PLCB1: variants seen among roughly 807,000 people sequenced by gnomAD.
The protein encoded by PLCB1 is phospholipase C beta 1.
A neutral mutation model predicts 161.8 loss-of-function variants in PLCB1; 46 were observed. The ratio of observed to expected loss-of-function variants is 0.28; its 90% CI spans 0.22 to 0.36. The LOEUF (loss-of-function observed/expected upper bound fraction) is 0.36, where lower values mean the gene tolerates loss of function less well. PLCB1 is among the 10% of genes least tolerant of loss of function. The probability of loss-of-function intolerance (pLI) is 1.00; values close to 1 mark genes in which losing one functional copy is unlikely to be tolerated. For missense variants in PLCB1, 1,016 were observed against 1,472.5 expected, an observed-to-expected ratio of 0.69 and a Z score of 5.07; for synonymous variants, 517 against 503.7, an observed-to-expected ratio of 1.03 and a Z score of -0.35.
intron 3 of PLCB1, among the ~76,000 whole-genome samples, chr20:8,436,111 G>A (rs1980289106): frequency 6.6e-6 from 1 of 152,118 alleles, no homozygotes; most frequent in Non-Finnish European, 1.5e-5. Flanking sequence ...GGCTGAGGCA[G>A]GTGGATCAGT....
At chr20:8,866,284 G>A (rs1037438991) in intron 31 of PLCB1, among the ~76,000 whole-genome samples, 2 of 152,160 alleles carry the variant, frequency 1.3e-5, no homozygotes, top group Non-Finnish European at 2.9e-5. Flanking sequence ...TAAGGAAAGT[G>A]TCTTCCTCTT....
chr20:8,735,025 G>GT (rs1472637137), intron 19 of PLCB1, among the ~76,000 whole-genome samples: 3 of 152,148 alleles, frequency 2.0e-5, no homozygotes, highest in African/African-American at 7.2e-5. Context: ...CAAGCCACAT[G>GT]TATAAAGAGT....
chr20:8,436,327 C>CA (rs11468737), intron 3 of PLCB1, among the ~76,000 whole-genome samples: 73 of 115,318 alleles, frequency 6.3e-4, no homozygotes, highest in African/African-American at 1.1e-3. Flanking sequence ...GAGACCCTGT[C>CA]AAAAAAAAAA....
At chr20:8,536,932 C>T (rs754196727) in intron 3 of PLCB1, among the ~76,000 whole-genome samples, 2 of 152,078 alleles carry the variant, frequency 1.3e-5, no homozygotes, top group Non-Finnish European at 2.9e-5. Flanking sequence ...CCAAGATTCC[C>T]ATAAGGTAGG....
intron 2 of PLCB1, among the ~76,000 whole-genome samples, chr20:8,350,039 T>C (rs1452643942): frequency 6.6e-6 from 1 of 152,204 alleles, no homozygotes; most frequent in Non-Finnish European, 1.5e-5. Flanking sequence ...CGTCTATTGT[T>C]TTTCTATGTT....
chr20:8,293,908 G>A (rs370380979), intron 2 of PLCB1, among the ~76,000 whole-genome samples: 10 of 152,146 alleles, frequency 6.6e-5, no homozygotes, highest in African/African-American at 1.9e-4. Flanking sequence ...GAGAAAGGGC[G>A]GGTCTGTGGC....
chr20:8,548,372 C>A (rs1366258818), intron 3 of PLCB1, among the ~76,000 whole-genome samples: 4 of 147,492 alleles, frequency 2.7e-5, no homozygotes, highest in African/African-American at 1.0e-4. Flanking sequence ...CTCCTTCTTT[C>A]CTTCCTTCCT....
intron 3 of PLCB1, among the ~76,000 whole-genome samples, chr20:8,559,975 T>C (rs551540153): frequency 6.6e-6 from 1 of 152,146 alleles, no homozygotes; most frequent in South Asian, 2.1e-4. Flanking sequence ...GTACCTACTT[T>C]TGACAAGCCC....
rs1014051251 is a variant in PLCB1, at chr20:8,402,852, T to TA, written c.246+31412dup. 2.7e-4 allele frequency among the ~76,000 whole-genome samples: 41 copies of TA among 150,058 alleles called. No individual in the cohort carries two copies. In the East Asian group the frequency reaches 4.3e-3, roughly 16 times the overall value. On this transcript the variant is annotated intron_variant, in intron 3 of 31. Coordinates refer to ENST00000338037, the MANE Select transcript of PLCB1 (RefSeq NM_015192.4). ...AGAGCAAGACTCCATCTCAAAAAAA[T>TA]AAAAAAAAAATTTAAAAAAAGTTTT...
intron 9 of PLCB1, among the ~76,000 whole-genome samples, chr20:8,674,449 TG>T (rs1354353013): frequency 1.3e-5 from 2 of 152,196 alleles, no homozygotes; most frequent in African/African-American, 4.8e-5. Context: ...AGAGGGAATC[TG>T]GTCCAAGCTG....
chr20:8,606,826 A>G (rs1157309446), intron 3 of PLCB1, among the ~76,000 whole-genome samples: 3 of 152,190 alleles, frequency 2.0e-5, no homozygotes, highest in Non-Finnish European at 4.4e-5. Context: ...TTAAAACAAC[A>G]CTTGGAAAAG....
chr20:8,344,012 G>A (rs1364053455), intron 2 of PLCB1, among the ~76,000 whole-genome samples: 1 of 152,190 alleles, frequency 6.6e-6, no homozygotes, highest in Non-Finnish European at 1.5e-5. Flanking sequence ...TCCAGCCAGA[G>A]AGAGGCTGTT....
At chr20:8,187,622 G>A (rs1568583504) in intron 2 of PLCB1, among the ~76,000 whole-genome samples, 1 of 151,628 alleles carries the variant, frequency 6.6e-6, no homozygotes, top group Non-Finnish European at 1.5e-5. Context: ...CCATTCTTCT[G>A]CACTTAGACT....
intron 3 of PLCB1, among the ~76,000 whole-genome samples, chr20:8,556,475 G>A (rs1422078061): frequency 2.0e-5 from 3 of 152,166 alleles, no homozygotes; most frequent in Middle Eastern, 3.4e-3. Flanking sequence ...TAATTGCTTT[G>A]AAAAAGATTC....
chr20:8,617,627 T>G (rs1988071375), intron 3 of PLCB1, among the ~76,000 whole-genome samples: 3 of 152,286 alleles, frequency 2.0e-5, no homozygotes, highest in Admixed American at 2.0e-4. Flanking sequence ...AAAAGCCTGT[T>G]GTTGAACATT....
At chr20:8,851,183 G>A (rs377554909) in intron 31 of PLCB1, among the ~76,000 whole-genome samples, 9 of 152,232 alleles carry the variant, frequency 5.9e-5, no homozygotes, top group African/African-American at 1.7e-4. Context: ...TGGAATCCCC[G>A]ATTAGATGAC....
intron 9 of PLCB1, among the ~76,000 whole-genome samples, chr20:8,675,617 G>A (rs1032904618): frequency 1.7e-4 from 26 of 152,234 alleles, no homozygotes; most frequent in Non-Finnish European, 1.8e-4. Flanking sequence ...CTGCAGTATG[G>A]TATAGTAGAA....
chr20:8,704,553 A>C (rs1428206626), intron 11 of PLCB1, among the ~76,000 whole-genome samples: 1 of 152,220 alleles, frequency 6.6e-6, no homozygotes, highest in Non-Finnish European at 1.5e-5. Flanking sequence ...ATCAAGTTTT[A>C]AGCTTTGCTT....
chr20:8,461,395 A>AATTAT (rs1981571436), intron 3 of PLCB1, among the ~76,000 whole-genome samples: 1 of 152,178 alleles, frequency 6.6e-6, no homozygotes, highest in Non-Finnish European at 1.5e-5. Context: ...ATAATTTCTG[A>AATTAT]CAAGTCACTT....
Sources: allele counts gnomAD v4.1 joint callset (sites outside exome capture counted in the v4.1 genomes callset), GRCh38; gene constraint gnomAD v4.1.1; transcripts MANE v1.5; gene names NCBI Gene and HGNC (gene_info 2026-07-23, HGNC 2026-07-21).